The following LIN7C variants were observed in gnomAD, a reference collection of about 807,000 sequenced individuals.
LIN7C encodes protein lin-7 homolog C.
Under a neutral mutation model 24.7 loss-of-function variants are expected in LIN7C, and 17 were observed. The ratio of observed to expected loss-of-function variants is 0.69; its 90% CI spans 0.47 to 1.03. The LOEUF is 1.03. Ranked by LOEUF, LIN7C falls within the 50% of genes least tolerant of loss-of-function variation. The pLI, the probability that LIN7C is intolerant of heterozygous loss-of-function variation, is 0.00. For synonymous variants in LIN7C, 90 were observed against 83.4 expected, an observed-to-expected ratio of 1.08 and a Z score of -0.43; for missense variants, 204 against 239.0, an observed-to-expected ratio of 0.85 and a Z score of 0.97.
At position 27,497,567 on chromosome 11, in the gene LIN7C, G is replaced by A. The variant is rs1397379851; in HGVS notation, c.*1082C>T. Reference sequence around the variant, plus strand: ...GTATGAGTTCCTACTTATTTTGATGGAATCTACAGATTCTCATGAATACTT... The same window carrying A: ...GTATGAGTTCCTACTTATTTTGATGAAATCTACAGATTCTCATGAATACTT... On this transcript the variant is annotated 3_prime_UTR_variant, in exon 5 of 5. Transcript: ENST00000278193. 1 of 152,430 alleles carries A rather than the reference G, an allele frequency of 6.6e-6. No homozygotes were observed. Among genetic ancestry groups the A allele is most frequent in the Non-Finnish European group, 1.5e-5 (1 of 67,936 alleles). The allele number at this position is 152,430 out of a possible 1,614,324, so 9.4% of individuals were successfully genotyped here.
At chr11:27,500,293 T>C (rs1233744583) in intron 3 of LIN7C, among the ~76,000 whole-genome samples, 2 of 152,220 alleles carry the variant, frequency 1.3e-5, no homozygotes, top group Admixed American at 6.5e-5. Context: ...GGACACAACC[T>C]ACCTATATAA....
At chr11:27,501,757 C>A in intron 2 of LIN7C, 45 bp downstream of exon 2, 1 of 1,237,866 alleles carries the variant, frequency 8.1e-7, no homozygotes, top group Non-Finnish European at 1.2e-6. Context: ...TATTATCTGA[C>A]CTAATTAACT....
In LIN7C at chr11:27,498,414, A is replaced by G. The variant is rs1183930631; in HGVS notation, c.*235T>C. ...AAATCTGCATTTGAAAAAGGCCTGTAAAAACAGTAGGACAGAATTGCCCTC... is the reference window on the plus strand; with the variant it reads ...AAATCTGCATTTGAAAAAGGCCTGTGAAAACAGTAGGACAGAATTGCCCTC... On this transcript the variant is annotated 3_prime_UTR_variant, in exon 5 of 5. Coordinates refer to ENST00000278193, the MANE Select transcript of LIN7C (RefSeq NM_018362.4). 9 of 374,570 alleles carry G rather than the reference A, an allele frequency of 2.4e-5. No homozygotes were observed. Among genetic ancestry groups the G allele is most frequent in the Non-Finnish European group, 4.2e-5 (9 of 213,216 alleles). The allele number at this position is 374,570 out of a possible 1,614,324, so 23.2% of individuals were successfully genotyped here.
At position 27,495,290 on chromosome 11, in the gene LIN7C, AC is replaced by A. The variant is rs1169518821; in HGVS notation, c.*3358del. ...AGATCATCCTGGCTAACACGGTGAA[AC>A]CCCGTCTCTACTAAAAATACAAAAA... On this transcript the variant is annotated 3_prime_UTR_variant, in exon 5 of 5. Transcript: ENST00000278193. 6.6e-6 allele frequency: 1 copy of A among 152,166 alleles called. No homozygotes were observed. The highest frequency in any genetic ancestry group is 1.5e-5 in the Non-Finnish European group (1 of 68,108). 9.4% of individuals were successfully genotyped at this position (152,166 alleles called of 1,614,324 possible). A position where few individuals can be genotyped will look rare whatever the true frequency, so the allele number is the denominator to read the frequency against.
chr11:27,502,906 G>A (rs1181372176), intron 1 of LIN7C, among the ~76,000 whole-genome samples: 2 of 152,124 alleles, frequency 1.3e-5, no homozygotes. Context: ...GAGGTCAAGA[G>A]TTCAAGACCA....
intron 1 of LIN7C, among the ~76,000 whole-genome samples, chr11:27,504,889 A>T (rs1405901828): frequency 1.3e-5 from 2 of 152,288 alleles, no homozygotes; most frequent in South Asian, 4.1e-4. Flanking sequence ...TATGGAACCC[A>T]TGGATATGGA....
At chr11:27,506,025 G>C (rs1565115360) in intron 1 of LIN7C, among the ~76,000 whole-genome samples, 1 of 152,166 alleles carries the variant, frequency 6.6e-6, no homozygotes, top group South Asian at 2.1e-4. Context: ...TATTTTCCTT[G>C]ACAGTCTGCT....
intron 1 of LIN7C, 131 bp from the exon 2 acceptor site, chr11:27,502,051 A>C: frequency 1.6e-6 from 1 of 613,562 alleles, no homozygotes. Flanking sequence ...AAAAGCATTG[A>C]ATTTGCACAT....
chr11:27,501,425 T>C (rs2133489182), intron 3 of LIN7C, 70 bp downstream of exon 3: 3 of 961,116 alleles, frequency 3.1e-6, no homozygotes, highest in East Asian at 2.5e-5. Context: ...TTATTATGAA[T>C]TTAATAACTC....
chr11:27,496,475 T>A lies in LIN7C; in HGVS notation c.*2174A>T, dbSNP rs1372322480. On this transcript the variant is annotated 3_prime_UTR_variant, in exon 5 of 5. Coordinates refer to ENST00000278193, the MANE Select transcript of LIN7C (RefSeq NM_018362.4). Reference sequence around the variant, plus strand: ...TTGCCAATGAATGACTGTATTTTTCTATGGTCAAGATTTAAAATTCTGGGA... The same window carrying A: ...TTGCCAATGAATGACTGTATTTTTCAATGGTCAAGATTTAAAATTCTGGGA... The A allele has an allele frequency of 6.6e-6, 1 of 152,220 alleles. No individual in the cohort carries two copies. Among genetic ancestry groups the A allele is most frequent in the Non-Finnish European group, 1.5e-5 (1 of 68,032 alleles). 9.4% of individuals were successfully genotyped at this position (152,220 alleles called of 1,614,324 possible).
At chr11:27,500,501 T>C (rs1247441985) in intron 3 of LIN7C, among the ~76,000 whole-genome samples, 2 of 152,216 alleles carry the variant, frequency 1.3e-5, no homozygotes. Context: ...AGCCGTATCT[T>C]CTTTAAAGCT....
At position 27,499,562 on chromosome 11, in the gene LIN7C, C is replaced by T; in HGVS notation, c.235G>A (p.Val79Ile). The T allele has an allele frequency of 6.2e-7, 1 of 1,613,462 alleles. No homozygotes were observed. Among genetic ancestry groups the T allele is most frequent in the South Asian group, 1.1e-5 (1 of 90,962 alleles). ...VRANATAKAT[V>I]AAFAASEGHS... The stretch of plus-strand genomic sequence containing the variant: ...CCTTCACTGGCAGCAAATGCAGCAA[C>T]AGTAGCCTGAAAGAAAGTTTTACAT... Residue 79 changes from valine to isoleucine, a missense_variant, in exon 4 of 5, where the codon GTT becomes ATT. By Grantham distance (29) the Val-to-Ile change is conservative (BLOSUM62 3). Coordinates refer to ENST00000278193, the MANE Select transcript of LIN7C (RefSeq NM_018362.4).
rs1865191622 is a variant in LIN7C, at chr11:27,498,505, A to C, written c.*144T>G. 1.3e-6 allele frequency: 1 copy of C among 772,632 alleles called. No homozygotes were observed. Among genetic ancestry groups the C allele is most frequent in the African/African-American group, 1.8e-5 (1 of 56,844 alleles). The allele number at this position is 772,632 out of a possible 1,614,324, so 47.9% of individuals were successfully genotyped here. A position where few individuals can be genotyped will look rare whatever the true frequency, so the allele number is the denominator to read the frequency against. ...TCTCTGGAACCATAAATGATGTTAAAATAGGCATTTATAAAATGACAAGGA... is the reference window on the plus strand; with the variant it reads ...TCTCTGGAACCATAAATGATGTTAACATAGGCATTTATAAAATGACAAGGA... On this transcript the variant is annotated 3_prime_UTR_variant, in exon 5 of 5. Transcript: ENST00000278193.
intron 1 of LIN7C, among the ~76,000 whole-genome samples, chr11:27,503,620 TC>T (rs780627545): frequency 6.6e-6 from 1 of 152,000 alleles, no homozygotes; most frequent in Non-Finnish European, 1.5e-5. Flanking sequence ...TTCAAGCAAG[TC>T]TCCTGCCTCA....
Position 27,495,938 on chromosome 11 carries a change from G to A in LIN7C, c.*2711C>T, listed in dbSNP as rs1865163925. On this transcript the variant is annotated 3_prime_UTR_variant, in exon 5 of 5. Transcript: ENST00000278193. The stretch of plus-strand genomic sequence containing the variant: ...GCTATGATCACACCACTGTGTTCCA[G>A]CCTGGGAGACAAAGCAAGATCCTGT... The A allele has an allele frequency of 6.6e-6, 1 of 150,702 alleles. No homozygotes were observed. Among genetic ancestry groups the A allele is most frequent in the Non-Finnish European group, 1.5e-5 (1 of 67,850 alleles). The allele number at this position is 150,702 out of a possible 1,614,324, so 9.3% of individuals were successfully genotyped here.
chr11:27,503,281 T>C (rs1865243191), intron 1 of LIN7C, among the ~76,000 whole-genome samples: 1 of 152,238 alleles, frequency 6.6e-6, no homozygotes, highest in Non-Finnish European at 1.5e-5. Context: ...AAGTCAGCTA[T>C]AACACTGTTA....
intron 1 of LIN7C, 34 bp downstream of exon 1, chr11:27,506,682 C>A (rs1227342918): frequency 6.2e-7 from 1 of 1,612,756 alleles, no homozygotes; most frequent in Non-Finnish European, 8.5e-7. Context: ...CCCAACCCTT[C>A]CGCCCACCTC....
rs552784788 is a variant in LIN7C at position 27,503,675 on chromosome 11, G to A, written c.38-1755C>T. On this transcript the variant is annotated intron_variant, in intron 1 of 4. Coordinates refer to ENST00000278193, the MANE Select transcript of LIN7C (RefSeq NM_018362.4). ...ATTACAGGAGTCCACCACCATGCTC[G>A]GCTAATTTTTGTATTTTTAGTAGAG... Among the ~76,000 whole-genome samples the A allele has an allele frequency of 2.2e-4, 34 of 151,882 alleles. 1 individual carries two copies. Among genetic ancestry groups the A allele is most frequent in the African/African-American group, 6.8e-4 (28 of 41,410 alleles).
At chr11:27,503,048 G>C (rs1865240530) in intron 1 of LIN7C, among the ~76,000 whole-genome samples, 1 of 152,190 alleles carries the variant, frequency 6.6e-6, no homozygotes, top group African/African-American at 2.4e-5. Context: ...CCAGGAGGTG[G>C]AGGTTGCAGT....
Sources: allele counts gnomAD v4.1 joint callset (sites outside exome capture counted in the v4.1 genomes callset), GRCh38; gene constraint gnomAD v4.1.1; transcripts MANE v1.5; gene names NCBI Gene and HGNC (gene_info 2026-07-23, HGNC 2026-07-21).